Variants in HTR2C observed in about 807,000 individuals in gnomAD.
HTR2C encodes 5-hydroxytryptamine (serotonin) receptor 2C, G protein-coupled.
HTR2C carries 5 observed loss-of-function variants against 21.0 expected under a neutral mutation model. The ratio of observed to expected loss-of-function variants is 0.24; its 90% confidence interval spans 0.12 to 0.50. The LOEUF (loss-of-function observed/expected upper bound fraction) is 0.50, where lower values mean the gene tolerates loss of function less well. Among genes scored for constraint, HTR2C ranks in the 20% least tolerant of loss-of-function variants. HTR2C has a pLI of 0.98. For synonymous variants in HTR2C, 150 were observed against 145.3 expected (o/e 1.03, Z -0.23); for missense variants, 271 against 371.2 (o/e 0.73, Z 2.22).
chrX:114,680,042 C>T (rs1931694227), intron 2 of HTR2C, among the ~76,000 whole-genome samples: 1 of 111,998 alleles, frequency 8.9e-6, no homozygotes, highest in African/African-American at 3.2e-5. Context: ...AATTTGTTTA[C>T]TTAAATTTGG....
At chrX:114,807,064 TATATACC>T (rs2070467500) in intron 4 of HTR2C, among the ~76,000 whole-genome samples, 1 of 32,016 alleles carries the variant, frequency 3.1e-5, no homozygotes, top group Admixed American at 4.2e-4. Context: ...ATACACCATA[TATATACC>T]ATATATACAC....
intron 4 of HTR2C, among the ~76,000 whole-genome samples, chrX:114,795,265 C>T (rs2070279303): frequency 9.1e-6 from 1 of 110,205 alleles, no homozygotes; most frequent in South Asian, 3.8e-4. Context: ...TGGATATTAG[C>T]CCTTTGTCAG....
intron 4 of HTR2C, among the ~76,000 whole-genome samples, chrX:114,781,053 T>C (rs782782321): frequency 1.3e-4 from 15 of 111,911 alleles, no homozygotes; most frequent in South Asian, 1.1e-3. Flanking sequence ...ATCCAGGCCA[T>C]TTTTATAGTA....
rs1234459517 is a variant in HTR2C, at chrX:114,764,865, A to ATCTTTCTTTCTTTCTT, written c.349+33304_349+33319dup. On this transcript the variant is annotated intron_variant, in intron 4 of 5. Transcript: ENST00000276198. ...TAAATCTCACTCCTTCATGGAATCAATCTTTCTTTCTTTCTTTCTTTCTTT... is the reference window on the plus strand; with the variant it reads ...TAAATCTCACTCCTTCATGGAATCAATCTTTCTTTCTTTCTTTCTTTCTTTCTTTCTTTCTTTCTTT... 1.4e-3 allele frequency among the ~76,000 whole-genome samples: 64 copies of ATCTTTCTTTCTTTCTT among 45,294 alleles called. 1 individual carries two copies. Among genetic ancestry groups the ATCTTTCTTTCTTTCTT allele is most frequent in the African/African-American group, 1.7e-3 (27 of 15,671 alleles). The allele number at this position is 45,294 out of a possible 115,157, so 39.3% of individuals were successfully genotyped here.
intron 2 of HTR2C, chrX:114,630,759 T>C (rs368670724): frequency 1.6e-5 from 5 of 309,813 alleles, no homozygotes; most frequent in Non-Finnish European, 3.2e-5. Flanking sequence ...TGTTCTTCTA[T>C]ACAGAGCATG....
intron 4 of HTR2C, among the ~76,000 whole-genome samples, chrX:114,835,070 G>A (rs1225534620): frequency 5.1e-5 from 5 of 97,730 alleles, no homozygotes; most frequent in Non-Finnish European, 8.3e-5. Flanking sequence ...TCTGCCGAGA[G>A]ATCCGCTGTT....
At chrX:114,709,366 G>A (rs1424942227) in intron 2 of HTR2C, among the ~76,000 whole-genome samples, 2 of 111,463 alleles carry the variant, frequency 1.8e-5, no homozygotes, top group Non-Finnish European at 3.8e-5. Flanking sequence ...TAGGAATATT[G>A]GTTGATGGGA....
intron 4 of HTR2C, among the ~76,000 whole-genome samples, chrX:114,818,164 A>C (rs2070601956): frequency 1.8e-5 from 2 of 112,090 alleles, no homozygotes; most frequent in South Asian, 7.3e-4. Flanking sequence ...TAAAACAACA[A>C]ACTAGGAATA....
intron 4 of HTR2C, among the ~76,000 whole-genome samples, chrX:114,784,030 A>G (rs888820844): frequency 1.6e-4 from 18 of 110,304 alleles, no homozygotes; most frequent in Non-Finnish European, 3.0e-4. Context: ...GGAATTGCAG[A>G]CTAAATTAAA....
chrX:114,817,267 T>C (rs1490326333), intron 4 of HTR2C, among the ~76,000 whole-genome samples: 1 of 111,565 alleles, frequency 9.0e-6, no homozygotes, highest in Non-Finnish European at 1.9e-5. Context: ...AAAACCACCA[T>C]TGTCTACATT....
intron 4 of HTR2C, among the ~76,000 whole-genome samples, chrX:114,842,484 A>G (rs2070842261): frequency 8.9e-6 from 1 of 112,343 alleles, no homozygotes; most frequent in African/African-American, 3.2e-5. Context: ...CACAAACAAG[A>G]AACAGGCTGA....
intron 5 of HTR2C, among the ~76,000 whole-genome samples, chrX:114,872,717 T>C (rs1451434648): frequency 9.0e-6 from 1 of 111,124 alleles, no homozygotes; most frequent in Non-Finnish European, 1.9e-5. Context: ...ACTTAACATA[T>C]GGTCTATGTG....
chrX:114,708,798 T>TA, intron 2 of HTR2C, among the ~76,000 whole-genome samples: 1 of 47,172 alleles, frequency 2.1e-5, no homozygotes, highest in East Asian at 2.0e-3. Flanking sequence ...CAGAGGGAGA[T>TA]ACTACATTTT....
At chrX:114,587,485 C>T (rs1196319749) in intron 1 of HTR2C, among the ~76,000 whole-genome samples, 2 of 111,914 alleles carry the variant, frequency 1.8e-5, no homozygotes, top group Non-Finnish European at 1.9e-5. Flanking sequence ...AGGAAAACTT[C>T]ATCATAAATT....
intron 4 of HTR2C, among the ~76,000 whole-genome samples, chrX:114,761,990 C>CATATATGTGTATATATACGTG (rs782126342): frequency 1.0e-4 from 1 of 9,911 alleles, no homozygotes; most frequent in Non-Finnish European, 2.0e-4. Context: ...TGTATATATA[C>CATATATGTGTATATATACGTG]TATATATACA....
Position 114,812,659 on chromosome X carries a change from G to A in HTR2C, c.350-35344G>A, listed in dbSNP as rs2070544359. Among the ~76,000 whole-genome samples, 5 of 109,850 alleles carry A rather than the reference G, an allele frequency of 4.6e-5. No homozygotes were observed. The South Asian group carries it at 2.0e-3, about 43-fold the overall frequency. On this transcript the variant is annotated intron_variant, in intron 4 of 5. Transcript: ENST00000276198. The stretch of plus-strand genomic sequence containing the variant: ...CAGGAGAATTGCTTGAACCCAAGAG[G>A]TGGAGGTTACAGTGACCCGAGATTG...
chrX:114,627,318 A>G (rs1157665621), intron 2 of HTR2C, among the ~76,000 whole-genome samples: 1 of 110,353 alleles, frequency 9.1e-6, no homozygotes. Flanking sequence ...TGTGCCTATG[A>G]GGGTTATAAT....
At chrX:114,619,468 C>T (rs1228265103) in intron 2 of HTR2C, among the ~76,000 whole-genome samples, 1 of 111,176 alleles carries the variant, frequency 9.0e-6, no homozygotes, top group Non-Finnish European at 1.9e-5. Flanking sequence ...CATATATTCC[C>T]TCACCCCCCT....
At chrX:114,594,171 T>C (rs1212439161) in intron 1 of HTR2C, among the ~76,000 whole-genome samples, 5 of 112,081 alleles carry the variant, frequency 4.5e-5, no homozygotes, top group African/African-American at 1.6e-4. Flanking sequence ...TACTTAACTA[T>C]TTGATAGGAC....
Sources: gnomAD v4.1 joint callset for allele counts (sites outside exome capture counted in the v4.1 genomes callset) on GRCh38, gnomAD v4.1.1 for gene constraint, MANE v1.5 for transcripts, NCBI Gene and HGNC (gene_info 2026-07-23, HGNC 2026-07-21) for gene names.